Variants in GRID2 observed in about 807,000 individuals in gnomAD.
GRID2 encodes glutamate ionotropic receptor delta type subunit 2.
GRID2 carries 33 observed loss-of-function variants against 114.8 expected under a neutral mutation model. The ratio of observed to expected loss-of-function variants is 0.29; its 90% CI spans 0.22 to 0.38. The LOEUF is 0.38. Ranked by LOEUF, GRID2 falls within the 10% of genes least tolerant of loss-of-function variation. The pLI is 1.00. For missense variants in GRID2, 1,184 were observed against 1,257.7 expected, an observed-to-expected ratio of 0.94 and a Z score of 0.89; for synonymous variants, 505 against 449.9, an observed-to-expected ratio of 1.12 and a Z score of -1.55.
At chr4:93,732,822 T>A (rs1730603264) in intron 14 of GRID2, among the ~76,000 whole-genome samples, 2 of 152,056 alleles carry the variant, frequency 1.3e-5, no homozygotes, top group African/African-American at 2.4e-5. Flanking sequence ...TTAGTACAAA[T>A]GTCCTTTCCT....
intron 4 of GRID2, among the ~76,000 whole-genome samples, chr4:93,133,732 C>A (rs1480160843): frequency 1.3e-5 from 2 of 152,000 alleles, no homozygotes; most frequent in African/African-American, 4.8e-5. Flanking sequence ...CCCCTAATTA[C>A]CAACAGAAAG....
intron 11 of GRID2, among the ~76,000 whole-genome samples, chr4:93,483,065 A>G (rs1402608082): frequency 6.6e-6 from 1 of 152,048 alleles, no homozygotes; most frequent in African/African-American, 2.4e-5. Context: ...GAAGCATTTC[A>G]GAGATGATAT....
At chr4:92,786,311 T>C (rs181272085) in intron 2 of GRID2, among the ~76,000 whole-genome samples, 219 of 152,030 alleles carry the variant, frequency 1.4e-3, no homozygotes, top group Middle Eastern at 3.4e-3. Context: ...TTGATAACTT[T>C]AGTCAAGAAG....
rs137939799 is a variant in GRID2, at chr4:92,913,352, G to A, written c.245-171643G>A. On this transcript the variant is annotated intron_variant, in intron 2 of 15. Coordinates refer to ENST00000282020, the MANE Select transcript of GRID2 (RefSeq NM_001510.4). The stretch of plus-strand genomic sequence containing the variant: ...ACAATTAGAAAACTTGTGTTTTATT[G>A]CTATTCTGGGCACTAACTATTATTA... Among the ~76,000 whole-genome samples, 933 of 151,900 alleles carry A rather than the reference G, an allele frequency of 6.1e-3. 5 individuals carry two copies. The highest frequency in any genetic ancestry group is 0.011 in the Non-Finnish European group (713 of 67,804).
At chr4:92,866,237 T>C (rs1347720474) in intron 2 of GRID2, among the ~76,000 whole-genome samples, 1 of 152,180 alleles carries the variant, frequency 6.6e-6, no homozygotes, top group Non-Finnish European at 1.5e-5. Flanking sequence ...CAGACATAGA[T>C]GGCCTTACTT....
At chr4:92,324,824 T>C (rs1430437485) in intron 1 of GRID2, among the ~76,000 whole-genome samples, 2 of 151,906 alleles carry the variant, frequency 1.3e-5, no homozygotes, top group Non-Finnish European at 2.9e-5. Context: ...ACATAGTTTG[T>C]AATTATGTTA....
chr4:93,276,064 C>G (rs1390490945), intron 8 of GRID2, among the ~76,000 whole-genome samples: 1 of 151,846 alleles, frequency 6.6e-6, no homozygotes, highest in Admixed American at 6.6e-5. Flanking sequence ...ACATTTTCAT[C>G]TAAGATTTTT....
chr4:92,711,957 A>G (rs557971620), intron 2 of GRID2, among the ~76,000 whole-genome samples: 2 of 152,316 alleles, frequency 1.3e-5, no homozygotes, highest in South Asian at 4.1e-4. Context: ...GTCAATCCAG[A>G]TGATGTCTTT....
intron 2 of GRID2, among the ~76,000 whole-genome samples, chr4:92,734,447 A>G (rs185959333): frequency 6.6e-6 from 1 of 151,858 alleles, no homozygotes; most frequent in African/African-American, 2.4e-5. Context: ...ACACCTCACT[A>G]TTTTATTTTC....
intron 2 of GRID2, among the ~76,000 whole-genome samples, chr4:93,021,754 A>T (rs1239459052): frequency 3.4e-5 from 5 of 145,986 alleles, no homozygotes; most frequent in Non-Finnish European, 6.0e-5. Context: ...AATTATTTAT[A>T]ATATGAATAT....
chr4:93,346,477 C>T (rs1760250010), intron 8 of GRID2, among the ~76,000 whole-genome samples: 1 of 152,078 alleles, frequency 6.6e-6, no homozygotes, highest in South Asian at 2.1e-4. Context: ...GATCTTGCTA[C>T]ATTTTTATTT....
At chr4:93,407,593 G>A (rs973323932) in intron 9 of GRID2, among the ~76,000 whole-genome samples, 6 of 152,012 alleles carry the variant, frequency 3.9e-5, no homozygotes, top group Admixed American at 3.9e-4. Context: ...CTTGCATCAT[G>A]TTTAAAATTG....
intron 13 of GRID2, among the ~76,000 whole-genome samples, chr4:93,558,068 C>T (rs185728895): frequency 1.1e-4 from 16 of 152,046 alleles, no homozygotes; most frequent in East Asian, 3.9e-4. Context: ...TACCAGAATA[C>T]GTAGGACACA....
chr4:93,615,689 T>G lies in GRID2; in HGVS notation c.2194-10580T>G, dbSNP rs565316842. Among the ~76,000 whole-genome samples the G allele has an allele frequency of 2.5e-3, 380 of 152,058 alleles. 2 individuals are homozygous for G. Among genetic ancestry groups the G allele is most frequent in the Non-Finnish European group, 4.1e-3 (280 of 67,956 alleles). On this transcript the variant is annotated intron_variant, in intron 13 of 15. Transcript: ENST00000282020. ...GGAAGTTCTGTGTAACTTGGCTACC[T>G]TGTTGTGGTGACTTACTGTTTTATT... is the stretch of plus-strand genomic sequence containing the variant.
At chr4:92,801,152 G>T (rs1740146290) in intron 2 of GRID2, among the ~76,000 whole-genome samples, 1 of 151,882 alleles carries the variant, frequency 6.6e-6, no homozygotes, top group Admixed American at 6.6e-5. Flanking sequence ...AATTCTTTTA[G>T]TTCTCTGAGA....
intron 9 of GRID2, among the ~76,000 whole-genome samples, chr4:93,404,644 T>C (rs1301953423): frequency 6.6e-6 from 1 of 152,110 alleles, no homozygotes; most frequent in African/African-American, 2.4e-5. Flanking sequence ...AAGTGTGATA[T>C]GTGTCCATTC....
At chr4:93,604,127 T>C (rs982556896) in intron 13 of GRID2, among the ~76,000 whole-genome samples, 1 of 152,190 alleles carries the variant, frequency 6.6e-6, no homozygotes, top group Non-Finnish European at 1.5e-5. Context: ...ACAAAGTAAA[T>C]TGAAAACCTT....
chr4:93,529,396 G>C (rs1224843717), intron 13 of GRID2, among the ~76,000 whole-genome samples: 3 of 152,150 alleles, frequency 2.0e-5, no homozygotes, highest in African/African-American at 7.2e-5. Flanking sequence ...AGCACCACTT[G>C]GTAACCTAAG....
At chr4:92,873,307 A>G (rs1745404572) in intron 2 of GRID2, among the ~76,000 whole-genome samples, 1 of 152,050 alleles carries the variant, frequency 6.6e-6, no homozygotes, top group African/African-American at 2.4e-5. Context: ...TTATTTTAGG[A>G]ATGAGGAAAC....
Sources: allele counts gnomAD v4.1 joint callset (sites outside exome capture counted in the v4.1 genomes callset), GRCh38; gene constraint gnomAD v4.1.1; transcripts MANE v1.5; gene names NCBI Gene and HGNC (gene_info 2026-07-23, HGNC 2026-07-21).